Variants in ZEB1 observed in about 807,000 individuals in gnomAD.
ZEB1 encodes the protein zinc finger E-box-binding homeobox 1.
A neutral mutation model predicts 84.9 loss-of-function variants in ZEB1; 21 were observed. The ratio of observed to expected loss-of-function variants is 0.25; its 90% confidence interval spans 0.18 to 0.36. The LOEUF is 0.36. Ranked by LOEUF, ZEB1 falls within the 10% of genes least tolerant of loss-of-function variation. ZEB1 has a pLI of 1.00. For missense variants in ZEB1, 1,104 were observed against 1,330.2 expected (o/e 0.83, Z 2.65); for synonymous variants, 420 against 471.1 (o/e 0.89, Z 1.41).
chr10:31,346,491 T>C (rs1464465918), intron 1 of ZEB1, among the ~76,000 whole-genome samples: 2 of 152,152 alleles, frequency 1.3e-5, no homozygotes, highest in African/African-American at 4.8e-5. Flanking sequence ...TATTTTAAAT[T>C]AGATGGCTTT....
chr10:31,361,754 A>C (rs1491003118), intron 1 of ZEB1, among the ~76,000 whole-genome samples: 1 of 150,920 alleles, frequency 6.6e-6, no homozygotes, highest in East Asian at 2.0e-4. Context: ...CATTTCCCAG[A>C]CGGTGAGGAG....
intron 1 of ZEB1, among the ~76,000 whole-genome samples, chr10:31,442,328 C>T (rs1440603989): frequency 2.0e-5 from 3 of 151,644 alleles, no homozygotes; most frequent in African/African-American, 4.8e-5. Context: ...AAACACTGTA[C>T]GTTCTCACTC....
At chr10:31,511,635 T>G (rs1214599896) in intron 5 of ZEB1, among the ~76,000 whole-genome samples, 1 of 152,156 alleles carries the variant, frequency 6.6e-6, no homozygotes, top group Non-Finnish European at 1.5e-5. Flanking sequence ...ATTAAATAAA[T>G]TTTCAGCCAC....
At chr10:31,488,188 A>G (rs981845536) in intron 2 of ZEB1, among the ~76,000 whole-genome samples, 1 of 151,238 alleles carries the variant, frequency 6.6e-6, no homozygotes, top group Non-Finnish European at 1.5e-5. Context: ...TTTGCAAGTG[A>G]AAGTTGGTCC....
At chr10:31,319,208 G>C (rs763518933), upstream of ZEB1, 10 of 1,593,382 alleles carry the variant, frequency 6.3e-6, no homozygotes, top group Non-Finnish European at 7.7e-6. Context: ...GAGGTGACTC[G>C]AGCATTTAGA....
Position 31,509,081 on chromosome 10 carries a change from G to A in ZEB1, c.485-1592G>A, listed in dbSNP as rs141693850. On this transcript the variant is annotated intron_variant, in intron 4 of 8. Coordinates refer to ENST00000424869, the MANE Select transcript of ZEB1 (RefSeq NM_001174096.2). ...ACTTCAGCCTTAGCAGCCGCAACCA[G>A]CATTAGTGATGACTGGGAAGGGAGG... is the stretch of plus-strand genomic sequence containing the variant. Among the ~76,000 whole-genome samples the A allele has an allele frequency of 4.6e-5, 7 of 152,280 alleles. No homozygotes were observed. The East Asian group carries it at 9.7e-4, about 21-fold the overall frequency.
At chr10:31,385,647 C>T (rs1050725531) in intron 1 of ZEB1, among the ~76,000 whole-genome samples, 1 of 151,956 alleles carries the variant, frequency 6.6e-6, no homozygotes, top group Non-Finnish European at 1.5e-5. Flanking sequence ...CTGCCTTAGC[C>T]CCCCCAAGTA....
At position 31,511,343 on chromosome 10, in the gene ZEB1, G is replaced by A. The variant is rs192887118; in HGVS notation, c.687+468G>A. ...ATAAGCTACGTGGTTTTTTTCCCCC[G>A]TAGTAAAGGGAGTTGCCTCCTCTAA... is the stretch of plus-strand genomic sequence containing the variant. On this transcript the variant is annotated intron_variant, in intron 5 of 8. Coordinates refer to ENST00000424869, the MANE Select transcript of ZEB1 (RefSeq NM_001174096.2). Among the ~76,000 whole-genome samples, 52 of 152,074 alleles carry A rather than the reference G, an allele frequency of 3.4e-4. 2 individuals are homozygous for A. In the South Asian group the frequency reaches 5.6e-3, roughly 16 times the overall value.
intron 1 of ZEB1, chr10:31,319,633 T>G: frequency 6.6e-6 from 2 of 305,002 alleles, no homozygotes; most frequent in Non-Finnish European, 1.2e-5. Context: ...CTGGCCACTT[T>G]TCTGGTCCCG....
intron 2 of ZEB1, among the ~76,000 whole-genome samples, chr10:31,475,951 C>T (rs1591678637): frequency 2.0e-5 from 3 of 152,124 alleles, no homozygotes; most frequent in East Asian, 1.9e-4. Flanking sequence ...TAACCTTGAA[C>T]ATAAAAGGCC....
In ZEB1 at chr10:31,362,288, C is replaced by T. The variant is rs192952897; in HGVS notation, c.58+42996C>T. Among the ~76,000 whole-genome samples, 827 of 145,194 alleles carry T rather than the reference C, an allele frequency of 5.7e-3. 12 individuals carry two copies. Among genetic ancestry groups the T allele is most frequent in the African/African-American group, 0.02 (763 of 38,674 alleles). ...TCCTCCTCAATTCCCAGATAGTGGG[C>T]GGCTGGGCAGAGGCGCGCCTCACTT... is the stretch of plus-strand genomic sequence containing the variant. On this transcript the variant is annotated intron_variant, in intron 1 of 8. Coordinates refer to ENST00000424869, the MANE Select transcript of ZEB1 (RefSeq NM_001174096.2).
intron 1 of ZEB1, among the ~76,000 whole-genome samples, chr10:31,324,525 A>G (rs2035013002): frequency 6.6e-6 from 1 of 152,030 alleles, no homozygotes; most frequent in South Asian, 2.1e-4. Context: ...GCAGCAGAGG[A>G]GGAGAAAAAT....
chr10:31,475,816 CTCACCA>C (rs1385380315), intron 2 of ZEB1, among the ~76,000 whole-genome samples: 1 of 152,058 alleles, frequency 6.6e-6, no homozygotes, highest in African/African-American at 2.4e-5. Flanking sequence ...AAGGATAATA[CTCACCA>C]TCATATAAAG....
At chr10:31,460,585 G>A (rs982043560) in intron 1 of ZEB1, among the ~76,000 whole-genome samples, 1 of 151,902 alleles carries the variant, frequency 6.6e-6, no homozygotes, top group Non-Finnish European at 1.5e-5. Flanking sequence ...TTGGAGGGGA[G>A]GTTTAATATA....
rs2059290101 is a variant in ZEB1 at position 31,443,395 on chromosome 10, T to C, written c.59-17642T>C. 2.6e-5 allele frequency among the ~76,000 whole-genome samples: 4 copies of C among 151,720 alleles called. No individual in the cohort carries two copies. In the South Asian group the frequency reaches 8.3e-4, roughly 32 times the overall value. On this transcript the variant is annotated intron_variant, in intron 1 of 8. Transcript: ENST00000424869. Reference sequence around the variant, plus strand: ...TTCTTATTCCAGGTTTGTAAAAGGATTTGCCTATATTTTCTTCTTTTTTTT... The same window carrying C: ...TTCTTATTCCAGGTTTGTAAAAGGACTTGCCTATATTTTCTTCTTTTTTTT...
intron 1 of ZEB1, among the ~76,000 whole-genome samples, chr10:31,445,316 C>T (rs1312068579): frequency 6.7e-6 from 1 of 149,462 alleles, no homozygotes; most frequent in Admixed American, 6.6e-5. Context: ...AGATTTTGGG[C>T]TGAGACAATG....
intron 5 of ZEB1, among the ~76,000 whole-genome samples, chr10:31,512,946 G>T (rs554440779): frequency 2.4e-4 from 37 of 152,200 alleles, no homozygotes; most frequent in Non-Finnish European, 4.0e-4. Context: ...AACAGCAGAG[G>T]CCAGTGTGAA....
intron 1 of ZEB1, among the ~76,000 whole-genome samples, chr10:31,405,113 T>C (rs555677360): frequency 6.6e-6 from 1 of 152,328 alleles, no homozygotes; most frequent in South Asian, 2.1e-4. Flanking sequence ...TTTTTAGTTA[T>C]TAATTCCTTT....
At chr10:31,500,051 T>C (rs542248194) in intron 3 of ZEB1, among the ~76,000 whole-genome samples, 7 of 152,212 alleles carry the variant, frequency 4.6e-5, no homozygotes, top group South Asian at 2.1e-4. Context: ...AGCACACTTA[T>C]AATTTTTATT....
Sources: allele counts gnomAD v4.1 joint callset (sites outside exome capture counted in the v4.1 genomes callset), GRCh38; gene constraint gnomAD v4.1.1; transcripts MANE v1.5; gene names NCBI Gene and HGNC (gene_info 2026-07-23, HGNC 2026-07-21).